Variants in PDS5B observed in about 807,000 individuals in gnomAD.
PDS5B encodes the protein PDS5 cohesin associated factor B.
PDS5B carries 51 observed loss-of-function variants against 184.1 expected under a neutral mutation model. That is an observed-to-expected ratio of 0.28 (90% CI 0.22 to 0.35). The LOEUF is 0.35. PDS5B is among the 10% of genes least tolerant of loss of function. The pLI is 1.00. For missense variants in PDS5B, 1,180 were observed against 1,723.3 expected, an observed-to-expected ratio of 0.68 and a Z score of 5.58; for synonymous variants, 566 against 569.2, an observed-to-expected ratio of 0.99 and a Z score of 0.08.
chr13:32,763,716 C>G (rs1347697213), intron 30 of PDS5B, among the ~76,000 whole-genome samples: 3 of 152,212 alleles, frequency 2.0e-5, no homozygotes, highest in Non-Finnish European at 4.4e-5. Context: ...TGAGGAAGAA[C>G]AGGCTCTGTT....
At chr13:32,636,062 C>G (rs1422700554) in intron 1 of PDS5B, among the ~76,000 whole-genome samples, 1 of 149,530 alleles carries the variant, frequency 6.7e-6, no homozygotes, top group Non-Finnish European at 1.5e-5. Flanking sequence ...AGCCACCGCT[C>G]CCGGCCTAGT....
chr13:32,753,239 T>C (rs2140998425), intron 24 of PDS5B, 93 bp from the exon 25 acceptor site: 1 of 942,462 alleles, frequency 1.1e-6, no homozygotes, highest in African/African-American at 1.6e-5. Flanking sequence ...CTTGCTACTG[T>C]TTACTCTTTA....
chr13:32,765,756 A>G (rs1156732937), intron 31 of PDS5B, among the ~76,000 whole-genome samples: 1 of 152,212 alleles, frequency 6.6e-6, no homozygotes, highest in Admixed American at 6.5e-5. Context: ...GGCATGTGCC[A>G]GCATGCGTAG....
At chr13:32,678,137 T>C (rs1167059643) in intron 9 of PDS5B, among the ~76,000 whole-genome samples, 1 of 152,176 alleles carries the variant, frequency 6.6e-6, no homozygotes, top group Non-Finnish European at 1.5e-5. Flanking sequence ...ATCTAAATTA[T>C]GGAATAAAAC....
At chr13:32,658,721 G>C (rs1950575454) in intron 5 of PDS5B, among the ~76,000 whole-genome samples, 190 bp downstream of exon 5, 3 of 152,144 alleles carry the variant, frequency 2.0e-5, no homozygotes, top group Non-Finnish European at 4.4e-5. Flanking sequence ...TTATTGGTTA[G>C]AGGAGTGGCA....
At position 32,753,522 on chromosome 13, in the gene PDS5B, A is replaced by G; in HGVS notation, c.2927A>G (p.His976Arg). The G allele has an allele frequency of 6.2e-7, 1 of 1,612,678 alleles. No individual in the cohort carries two copies. Among genetic ancestry groups the G allele is most frequent in the Non-Finnish European group, 8.5e-7 (1 of 1,178,946 alleles). Residue 976 changes from histidine (H) to arginine (R), a missense_variant, in exon 25 of 35, where the codon CAT becomes CGT. By Grantham distance (29) the His-to-Arg change is conservative. Around this residue, in one of 11 missense-constraint regions of PDS5B, gnomAD observed 57 missense variants for 80.9 expected, o/e 0.70. Coordinates refer to ENST00000315596, the MANE Select transcript of PDS5B (RefSeq NM_015032.4). ...GTAAGGCGGGAGTATCTGAAGCAGC[A>G]TGCAGCTGTTAGTGGTAAGCATATA... ...INVRREYLKQHAAVSEKLLSL... is the reference protein window; with the variant it reads ...INVRREYLKQRAAVSEKLLSL...
At chr13:32,674,685 A>G (rs1593396576) in intron 8 of PDS5B, among the ~76,000 whole-genome samples, 2 of 151,960 alleles carry the variant, frequency 1.3e-5, no homozygotes, top group African/African-American at 4.8e-5. Flanking sequence ...TATAAGTGTC[A>G]TAAGAGATAC....
intron 30 of PDS5B, among the ~76,000 whole-genome samples, chr13:32,763,196 G>A (rs1285548016): frequency 6.6e-6 from 1 of 152,026 alleles, no homozygotes; most frequent in Non-Finnish European, 1.5e-5. Flanking sequence ...ATTATGTTTG[G>A]ACTTCGTAAA....
At chr13:32,769,537 T>C (rs1177140933) in intron 31 of PDS5B, among the ~76,000 whole-genome samples, 1 of 152,224 alleles carries the variant, frequency 6.6e-6, no homozygotes, top group Non-Finnish European at 1.5e-5. Context: ...TTTTGTTGTT[T>C]CTGTTGTTAA....
At chr13:32,710,629 T>G (rs1345235804) in intron 19 of PDS5B, among the ~76,000 whole-genome samples, 4 of 152,214 alleles carry the variant, frequency 2.6e-5, no homozygotes, top group African/African-American at 9.7e-5. Flanking sequence ...GATTTTATAA[T>G]CAGAAGAATA....
At chr13:32,768,313 C>A (rs576365542) in intron 31 of PDS5B, among the ~76,000 whole-genome samples, 14 of 152,244 alleles carry the variant, frequency 9.2e-5, no homozygotes, top group African/African-American at 2.9e-4. Flanking sequence ...GAAAGGCACC[C>A]AAGCTCACTG....
chr13:32,752,627 A>G (rs377489990), intron 24 of PDS5B, among the ~76,000 whole-genome samples: 1 of 152,182 alleles, frequency 6.6e-6, no homozygotes, highest in Non-Finnish European at 1.5e-5. Context: ...CAGATTACAC[A>G]CTGCGTTCTG....
At chr13:32,678,952 A>G (rs780979056) in intron 10 of PDS5B, 23 bp downstream of exon 10, 22 of 1,258,676 alleles carry the variant, frequency 1.7e-5, no homozygotes, top group Non-Finnish European at 2.1e-5. Context: ...TGTAACAGCA[A>G]ATATTCTTAC....
rs762638179 is a variant in PDS5B, at chr13:32,727,026, C to T, written c.2124-5075C>T. ...ATTGGTTGTTTTGAATCCAATTTGA[C>T]AAACTGTTTCAATGGGAGTGCTTAG... On this transcript the variant is annotated intron_variant, in intron 19 of 34. Transcript: ENST00000315596. 5.9e-5 allele frequency among the ~76,000 whole-genome samples: 9 copies of T among 152,148 alleles called. No homozygotes were observed. In the Middle Eastern group the frequency reaches 0.01, roughly 173 times the overall value.
chr13:32,643,716 C>G (rs1950155614), intron 1 of PDS5B, among the ~76,000 whole-genome samples: 1 of 152,086 alleles, frequency 6.6e-6, no homozygotes, highest in African/African-American at 2.4e-5. Flanking sequence ...GGTTTGTAGC[C>G]TAGAAGCAAT....
intron 3 of PDS5B, among the ~76,000 whole-genome samples, chr13:32,652,983 G>A (rs992429471): frequency 2.0e-5 from 3 of 152,102 alleles, no homozygotes; most frequent in Non-Finnish European, 2.9e-5. Flanking sequence ...GATCAGGTAG[G>A]AATTAAAAAC....
chr13:32,767,271 TTTTGTCTATTTTAAA>T (rs1954614853), intron 31 of PDS5B, among the ~76,000 whole-genome samples: 1 of 152,136 alleles, frequency 6.6e-6, no homozygotes, highest in African/African-American at 2.4e-5. Context: ...GTGCTAAAAG[TTTTGTCTATTTTAAA>T]TCAGTAGTCA....
chr13:32,607,593 A>T lies in PDS5B; in HGVS notation c.-20+21000A>T, dbSNP rs187276534. Among the ~76,000 whole-genome samples, 45 of 152,372 alleles carry T rather than the reference A, an allele frequency of 3.0e-4. No individual in the cohort carries two copies. The East Asian group carries it at 8.7e-3, about 29-fold the overall frequency. ...CCACTACTCTCTTCAAAGCTGTCAG[A>T]CAGGGACATTTAAGTCTGCAGAAGT... On this transcript the variant is annotated intron_variant, in intron 1 of 34. Coordinates refer to ENST00000315596, the MANE Select transcript of PDS5B (RefSeq NM_015032.4).
chr13:32,667,121 T>A (rs1313285096), intron 6 of PDS5B, among the ~76,000 whole-genome samples: 1 of 152,200 alleles, frequency 6.6e-6, no homozygotes, highest in South Asian at 2.1e-4. Context: ...TCCTGTTCTC[T>A]GGAATATGTT....
Sources: gnomAD v4.1 joint callset for allele counts (sites outside exome capture counted in the v4.1 genomes callset) on GRCh38, gnomAD v4.1.1 for gene constraint, gnomAD v4.1.1 regional missense constraint, MANE v1.5 for transcripts, NCBI Gene and HGNC (gene_info 2026-07-23, HGNC 2026-07-21) for gene names.